SAMD8: variants seen among roughly 807,000 people sequenced by gnomAD.
SAMD8 encodes the protein sterile alpha motif domain containing 8.
A neutral mutation model predicts 42.0 loss-of-function variants in SAMD8; 20 were observed. The ratio of observed to expected loss-of-function variants is 0.48; its 90% CI spans 0.34 to 0.69. SAMD8 has a LOEUF of 0.69. Ranked by LOEUF, SAMD8 falls within the 30% of genes least tolerant of loss-of-function variation. The pLI is 0.01. For missense variants in SAMD8, 328 were observed against 511.6 expected (o/e 0.64, Z 3.46); for synonymous variants, 162 against 173.0 (o/e 0.94, Z 0.50).
At chr10:75,110,141 T>TC (rs1848729817), upstream of SAMD8, among the ~76,000 whole-genome samples, 8 of 152,198 alleles carry the variant, frequency 5.3e-5, no homozygotes, top group South Asian at 1.7e-3. Context: ...TGAACAATGG[T>TC]CCTGTAGTGA....
chr10:75,133,558 T>A (rs902451281), intron 1 of SAMD8, among the ~76,000 whole-genome samples: 2 of 152,208 alleles, frequency 1.3e-5, no homozygotes, highest in Admixed American at 1.3e-4. Context: ...TCAACCTAAG[T>A]GTCCGTCTAC....
intron 1 of SAMD8, among the ~76,000 whole-genome samples, chr10:75,119,079 C>G (rs529101715): frequency 6.6e-6 from 1 of 151,712 alleles, no homozygotes; most frequent in Non-Finnish European, 1.5e-5. Flanking sequence ...GGATATGGAT[C>G]TTAATTTTTT....
At chr10:75,173,928 A>C (rs146840355) in intron 4 of SAMD8, among the ~76,000 whole-genome samples, 234 of 152,346 alleles carry the variant, frequency 1.5e-3, no homozygotes, top group Non-Finnish European at 2.4e-3. Flanking sequence ...CCTCATCTGC[A>C]CAATTAAATC....
intron 1 of SAMD8, among the ~76,000 whole-genome samples, chr10:75,132,696 ATT>A (rs60240692): frequency 2.0e-5 from 3 of 150,540 alleles, no homozygotes; most frequent in Non-Finnish European, 3.0e-5. Flanking sequence ...CCAAAGGCAG[ATT>A]TTTTTTTTTG....
rs1425314324 is a variant in SAMD8 at position 75,111,662 on chromosome 10, C to T, written c.-76C>T. 2 of 1,240,044 alleles carry T rather than the reference C, an allele frequency of 1.6e-6. No individual in the cohort carries two copies. The highest frequency in any genetic ancestry group is 2.0e-6 in the Non-Finnish European group (2 of 992,436). 76.8% of individuals were successfully genotyped at this position (1,240,044 alleles called of 1,614,324 possible). On this transcript the variant is annotated 5_prime_UTR_variant, in exon 1 of 6. Coordinates refer to ENST00000542569, the MANE Select transcript of SAMD8 (RefSeq NM_001174156.2). ...GCGAGGCGGGGAGGGCCCCGGACTCCGACGGCGGCTCGGACGCCGACTCGG... is the reference window on the plus strand; with the variant it reads ...GCGAGGCGGGGAGGGCCCCGGACTCTGACGGCGGCTCGGACGCCGACTCGG...
upstream of SAMD8, chr10:75,108,364 A>G: frequency 1.5e-6 from 2 of 1,370,812 alleles, no homozygotes; most frequent in Non-Finnish European, 1.9e-6. Context: ...CCACAGCCCT[A>G]TACCCAGAGC....
At chr10:75,158,543 G>C (rs1840475523) in intron 2 of SAMD8, among the ~76,000 whole-genome samples, 1 of 152,146 alleles carries the variant, frequency 6.6e-6, no homozygotes, top group East Asian at 1.9e-4. Context: ...AGTGAGCCGA[G>C]ATCATGCCAC....
In SAMD8 at chr10:75,179,391, C is replaced by T. The variant is rs530458754; in HGVS notation, c.*2699C>T. 1 of 152,238 alleles carries T rather than the reference C, an allele frequency of 6.6e-6. No individual in the cohort carries two copies. The highest frequency in any genetic ancestry group is 1.5e-5 in the Non-Finnish European group (1 of 68,010). 9.4% of individuals were successfully genotyped at this position (152,238 alleles called of 1,614,324 possible). A position where few individuals can be genotyped will look rare whatever the true frequency, so the allele number is the denominator to read the frequency against. On this transcript the variant is annotated 3_prime_UTR_variant, in exon 6 of 6. Transcript: ENST00000542569. ...AACAAAAACTTAAATAGCTATTAAC[C>T]TCAGTCTTCTTTCCTTCATATAAAT...
At chr10:75,163,137 G>A (rs760820474) in intron 2 of SAMD8, among the ~76,000 whole-genome samples, 4 of 152,164 alleles carry the variant, frequency 2.6e-5, no homozygotes, top group Non-Finnish European at 4.4e-5. Context: ...ATGTGGGCCA[G>A]GCTGGTCTTG....
chr10:75,128,363 G>T (rs756934979), intron 1 of SAMD8, among the ~76,000 whole-genome samples: 12 of 151,972 alleles, frequency 7.9e-5, no homozygotes, highest in Admixed American at 7.9e-4. Flanking sequence ...GTGAGCCACC[G>T]CACCCGCCCT....
At chr10:75,135,181 G>A (rs1405959806) in intron 1 of SAMD8, among the ~76,000 whole-genome samples, 2 of 152,094 alleles carry the variant, frequency 1.3e-5, no homozygotes, top group African/African-American at 4.8e-5. Flanking sequence ...GGCCAGACGC[G>A]ATGGCTTATG....
At chr10:75,161,563 A>G (rs1482546088) in intron 2 of SAMD8, among the ~76,000 whole-genome samples, 1 of 152,142 alleles carries the variant, frequency 6.6e-6, no homozygotes, top group Non-Finnish European at 1.5e-5. Context: ...GAAAAAAAAA[A>G]GTAAATTGGA....
intron 1 of SAMD8, among the ~76,000 whole-genome samples, chr10:75,135,772 G>C (rs955821713): frequency 7.9e-5 from 12 of 151,850 alleles, no homozygotes; most frequent in African/African-American, 2.7e-4. Context: ...CTTGCAGTGA[G>C]CTGAGATCGC....
At chr10:75,175,946 T>C in intron 4 of SAMD8, 120 bp from the exon 5 acceptor site, 1 of 1,504,672 alleles carries the variant, frequency 6.6e-7, no homozygotes, top group Non-Finnish European at 8.8e-7. Context: ...AAGGCCTAGA[T>C]GCTTTGGCTT....
At chr10:75,163,989 C>T (rs896569019) in intron 2 of SAMD8, among the ~76,000 whole-genome samples, 2 of 152,092 alleles carry the variant, frequency 1.3e-5, no homozygotes, top group African/African-American at 2.4e-5. Context: ...AAGTCTGAGA[C>T]GGGAGAATCA....
At chr10:75,137,309 G>T (rs537862950) in intron 1 of SAMD8, among the ~76,000 whole-genome samples, 1 of 152,176 alleles carries the variant, frequency 6.6e-6, no homozygotes, top group Non-Finnish European at 1.5e-5. Flanking sequence ...GGAGGCCGAG[G>T]TGGGTGGATC....
intron 1 of SAMD8, among the ~76,000 whole-genome samples, chr10:75,099,897 G>A (rs1283046650): frequency 1.3e-5 from 2 of 152,174 alleles, no homozygotes; most frequent in Non-Finnish European, 1.5e-5. Context: ...GGTCTGACCC[G>A]AGAATGAGAG....
At chr10:75,175,172 T>C (rs1840962967) in intron 4 of SAMD8, among the ~76,000 whole-genome samples, 1 of 152,218 alleles carries the variant, frequency 6.6e-6, no homozygotes, top group South Asian at 2.1e-4. Context: ...CCTTGATAAG[T>C]AGCCTTCCCA....
chr10:75,159,126 T>G (rs1351334810), intron 2 of SAMD8, among the ~76,000 whole-genome samples: 5 of 150,584 alleles, frequency 3.3e-5, no homozygotes. Flanking sequence ...TGGTGCAATC[T>G]CAACTCACCG....
Sources: allele counts gnomAD v4.1 joint callset (sites outside exome capture counted in the v4.1 genomes callset), GRCh38; gene constraint gnomAD v4.1.1; transcripts MANE v1.5; gene names NCBI Gene and HGNC (gene_info 2026-07-23, HGNC 2026-07-21).